The following JAK1 variants were observed in gnomAD, a reference collection of about 807,000 sequenced individuals.
JAK1 encodes tyrosine-protein kinase JAK1.
In JAK1, 16 loss-of-function variants were observed where a neutral mutation model predicts 136.6. The observed-to-expected ratio is 0.12, with a 90% CI of 0.08 to 0.18. The LOEUF (loss-of-function observed/expected upper bound fraction) is 0.18. Among genes scored for constraint, JAK1 ranks in the 10% least tolerant of loss-of-function variants. The pLI is 1.00. For synonymous variants in JAK1, 492 were observed against 519.5 expected (o/e 0.95, Z 0.72); for missense variants, 859 against 1,450.1 (o/e 0.59, Z 6.62).
At chr1:64,864,124 C>T (rs1656543847) in intron 8 of JAK1, among the ~76,000 whole-genome samples, 1 of 152,182 alleles carries the variant, frequency 6.6e-6, no homozygotes, top group Non-Finnish European at 1.5e-5. Flanking sequence ...CACATTTTGG[C>T]AGAATGTGGC....
chr1:65,015,179 T>C (rs1249497950), intron 2 of JAK1, among the ~76,000 whole-genome samples: 1 of 152,008 alleles, frequency 6.6e-6, no homozygotes, highest in Non-Finnish European at 1.5e-5. Flanking sequence ...CAAGAAAGAA[T>C]GAAGAGTAAA....
intron 3 of JAK1, among the ~76,000 whole-genome samples, chr1:64,881,884 G>A (rs1644778212): frequency 6.6e-6 from 1 of 152,094 alleles, no homozygotes; most frequent in South Asian, 2.1e-4. Context: ...AAGAAGCTTG[G>A]CGAAGAGAAT....
chr1:65,011,515 G>A (rs1646848883), intron 2 of JAK1, among the ~76,000 whole-genome samples: 1 of 152,014 alleles, frequency 6.6e-6, no homozygotes, highest in South Asian at 2.1e-4. Flanking sequence ...TCCAAAATAG[G>A]ACTTTTCATT....
Position 64,842,111 on chromosome 1 carries a change from T to G in JAK1, c.2404-510A>C, listed in dbSNP as rs371453634. Among the ~76,000 whole-genome samples the G allele has an allele frequency of 1.2e-4, 18 of 152,270 alleles. 1 individual carries two copies. The highest frequency in any genetic ancestry group is 3.9e-4 in the Admixed American group (6 of 15,300). On this transcript the variant is annotated intron_variant, in intron 17 of 24. Transcript: ENST00000342505. Reference sequence around the variant, plus strand: ...TAAATTTGTAAAAATTATGATTTAATCTCACAGGAAAGCATTCTCAGTATT... The same window carrying G: ...TAAATTTGTAAAAATTATGATTTAAGCTCACAGGAAAGCATTCTCAGTATT...
At chr1:64,986,450 G>C (rs982228480) in intron 2 of JAK1, among the ~76,000 whole-genome samples, 1 of 152,076 alleles carries the variant, frequency 6.6e-6, no homozygotes, top group Non-Finnish European at 1.5e-5. Context: ...ATCTAGGAGT[G>C]TGATTCCAGA....
At chr1:64,854,349 C>G (rs1335302834) in intron 11 of JAK1, among the ~76,000 whole-genome samples, 1 of 152,148 alleles carries the variant, frequency 6.6e-6, no homozygotes, top group Non-Finnish European at 1.5e-5. Context: ...CAGTGGCAAT[C>G]GTGCTGCTCC....
At chr1:64,846,507 G>A (rs1165010401) in intron 14 of JAK1, 142 bp downstream of exon 14, 5 of 643,036 alleles carry the variant, frequency 7.8e-6, no homozygotes, top group Non-Finnish European at 1.4e-5. Context: ...CAAATGACCT[G>A]CTCAGTCCCT....
chr1:64,928,778 C>CAAAAAAAAAAAAAAAAA (rs1183218798), intron 1 of JAK1, among the ~76,000 whole-genome samples: 131 of 61,120 alleles, frequency 2.1e-3, no homozygotes, highest in Non-Finnish European at 3.3e-3. Flanking sequence ...TAAAACTCTG[C>CAAAAAAAAAAAAAAAAA]AAAAAAAAAA....
At chr1:65,038,949 T>C (rs1647103098) in intron 2 of JAK1, among the ~76,000 whole-genome samples, 1 of 151,856 alleles carries the variant, frequency 6.6e-6, no homozygotes, top group African/African-American at 2.4e-5. Context: ...TGTGTGTGTG[T>C]GTGTGTGTGT....
At chr1:64,901,318 G>A (rs1645101800) in intron 1 of JAK1, among the ~76,000 whole-genome samples, 1 of 152,128 alleles carries the variant, frequency 6.6e-6, no homozygotes. Flanking sequence ...AATATTAAAT[G>A]TGTAGTTTAT....
intron 24 of JAK1, 141 bp from the exon 25 acceptor site, chr1:64,834,798 T>C: frequency 1.6e-6 from 1 of 612,612 alleles, no homozygotes; most frequent in South Asian, 2.1e-5. Flanking sequence ...AGTATTTGAA[T>C]AGTTTAAAAC....
intron 19 of JAK1, among the ~76,000 whole-genome samples, chr1:64,840,412 A>C (rs1654818078): frequency 6.6e-6 from 1 of 152,310 alleles, no homozygotes; most frequent in East Asian, 1.9e-4. Context: ...ACTACAGAAA[A>C]TCTGTATAAA....
At chr1:64,929,010 A>G (rs1269618956) in intron 1 of JAK1, among the ~76,000 whole-genome samples, 2 of 152,184 alleles carry the variant, frequency 1.3e-5, no homozygotes, top group Non-Finnish European at 2.9e-5. Flanking sequence ...TCTTGTAAAT[A>G]TGTCACTGAT....
intron 6 of JAK1, among the ~76,000 whole-genome samples, chr1:64,868,849 A>C (rs1656884539): frequency 6.6e-6 from 1 of 152,236 alleles, no homozygotes; most frequent in Non-Finnish European, 1.5e-5. Flanking sequence ...GATATTTAAT[A>C]GTAGTTGATC....
chr1:64,850,883 T>G lies in JAK1; in HGVS notation c.1676A>C (p.Lys559Thr). The change falls in exon 12 of 25, where the codon AAG (lysine) becomes ACG (threonine). Residue 559 changes from lysine to threonine, a missense_variant. This residue lies in a region of JAK1 where 409 missense variants were observed against 753.8 expected (regional missense o/e 0.54). Coordinates refer to ENST00000342505, the MANE Select transcript of JAK1 (RefSeq NM_002227.4). ...REISNLLVAT[K>T]KAQEWQPVYP... ...GACGGGCTGCCACTCCTGGGCTTTC[T>G]TAGTAGCCACCAGCAGGTTGGAGAT... 1 of 1,613,902 alleles carries G rather than the reference T, an allele frequency of 6.2e-7. No individual in the cohort carries two copies. The highest frequency in any genetic ancestry group is 8.5e-7 in the Non-Finnish European group (1 of 1,179,828).
intron 1 of JAK1, among the ~76,000 whole-genome samples, chr1:64,935,492 G>A (rs1042579716): frequency 6.6e-6 from 1 of 152,068 alleles, no homozygotes; most frequent in African/African-American, 2.4e-5. Flanking sequence ...GTAGAGATGG[G>A]GTTTCGCCAT....
At chr1:64,928,316 A>C (rs887101189) in intron 1 of JAK1, among the ~76,000 whole-genome samples, 1 of 152,242 alleles carries the variant, frequency 6.6e-6, no homozygotes, top group Non-Finnish European at 1.5e-5. Context: ...GAATAGATTA[A>C]GTTTCCATGC....
intron 2 of JAK1, among the ~76,000 whole-genome samples, chr1:65,000,977 CT>C (rs1646751105): frequency 6.6e-6 from 1 of 151,746 alleles, no homozygotes; most frequent in African/African-American, 2.4e-5. Context: ...GGGTCCTTTC[CT>C]TTGGAGCTCC....
chr1:65,004,086 T>G (rs961032248), intron 2 of JAK1: 1 of 152,086 alleles, frequency 6.6e-6, no homozygotes, highest in African/African-American at 2.4e-5. Flanking sequence ...GGATTACAAG[T>G]GTGCACCACC....
Sources: allele counts gnomAD v4.1 joint callset (sites outside exome capture counted in the v4.1 genomes callset), GRCh38; gene constraint gnomAD v4.1.1; regional missense constraint gnomAD v4.1.1; transcripts MANE v1.5; gene names NCBI Gene and HGNC (gene_info 2026-07-23, HGNC 2026-07-21).